Variants in TCF12 observed in about 807,000 individuals in gnomAD.
TCF12 encodes DNA-binding protein HTF4.
A neutral mutation model predicts 86.0 loss-of-function variants in TCF12; 45 were observed. The observed-to-expected ratio is 0.52, with a 90% CI of 0.41 to 0.67. The LOEUF (loss-of-function observed/expected upper bound fraction) is 0.67. Among genes scored for constraint, TCF12 ranks in the 30% least tolerant of loss-of-function variants. The pLI, the probability that TCF12 is intolerant of heterozygous loss-of-function variation, is 0.00. For missense variants in TCF12, 881 were observed against 859.9 expected, an observed-to-expected ratio of 1.02 and a Z score of -0.31; for synonymous variants, 330 against 299.6, an observed-to-expected ratio of 1.10 and a Z score of -1.05.
At chr15:57,177,460 G>A (rs2056006380) in intron 6 of TCF12, among the ~76,000 whole-genome samples, 1 of 151,706 alleles carries the variant, frequency 6.6e-6, no homozygotes, top group African/African-American at 2.4e-5. Flanking sequence ...CGGTAGAGAG[G>A]GGGTTTCACC....
At chr15:56,937,418 G>A (rs555922417) in intron 3 of TCF12, among the ~76,000 whole-genome samples, 8 of 151,612 alleles carry the variant, frequency 5.3e-5, no homozygotes, top group South Asian at 4.2e-4. Context: ...GTGTAGTGGC[G>A]TGATCTTGGC....
chr15:56,944,900 T>C (rs1473456836), intron 3 of TCF12, among the ~76,000 whole-genome samples: 3 of 152,204 alleles, frequency 2.0e-5, no homozygotes, highest in African/African-American at 7.2e-5. Context: ...AATTACCTTG[T>C]CGATTTCTAT....
intron 13 of TCF12, among the ~76,000 whole-genome samples, chr15:57,248,707 G>C (rs1194924141): frequency 6.6e-6 from 1 of 152,238 alleles, no homozygotes; most frequent in African/African-American, 2.4e-5. Flanking sequence ...ACTGGAACGG[G>C]CCAGTCTGTA....
intron 14 of TCF12, 164 bp from the exon 15 acceptor site, chr15:57,252,257 T>C (rs186690488): frequency 7.3e-6 from 4 of 545,892 alleles, no homozygotes; most frequent in African/African-American, 5.7e-5. Context: ...GTAACTTCCC[T>C]GTTGAATCCC....
intron 3 of TCF12, 115 bp from the exon 4 acceptor site, chr15:57,063,635 A>T (rs908497986): frequency 1.5e-6 from 1 of 665,490 alleles, no homozygotes; most frequent in Non-Finnish European, 2.5e-6. Context: ...ATTGATACTT[A>T]GCTCTTCCAC....
chr15:56,985,263 T>C (rs549355934), intron 3 of TCF12, among the ~76,000 whole-genome samples: 1 of 152,304 alleles, frequency 6.6e-6, no homozygotes, highest in East Asian at 1.9e-4. Context: ...AGAAAACTCT[T>C]AGGAAGTGAG....
At chr15:57,075,788 T>TC (rs1567370136) in intron 4 of TCF12, among the ~76,000 whole-genome samples, 2 of 41,866 alleles carry the variant, frequency 4.8e-5, no homozygotes, top group African/African-American at 1.9e-4. Context: ...CTTTCTTTCT[T>TC]TCTTTCTTTC....
At chr15:57,256,959 A>G (rs1421775907) in intron 16 of TCF12, among the ~76,000 whole-genome samples, 1 of 152,232 alleles carries the variant, frequency 6.6e-6, no homozygotes, top group Non-Finnish European at 1.5e-5. Flanking sequence ...AGGGTTTGAT[A>G]TGCTTTTTCT....
Position 57,120,413 on chromosome 15 carries a change from A to G in TCF12, c.325+28522A>G, listed in dbSNP as rs182437111. Reference sequence around the variant, plus strand: ...TTCCCTTGGCCCTATCCAATATCTGATATATATCAAGTGCTCAATAATTGT... The same window carrying G: ...TTCCCTTGGCCCTATCCAATATCTGGTATATATCAAGTGCTCAATAATTGT... On this transcript the variant is annotated intron_variant, in intron 5 of 20. Transcript: ENST00000333725. Among the ~76,000 whole-genome samples the G allele has an allele frequency of 3.3e-5, 5 of 152,248 alleles. No individual in the cohort carries two copies. In the East Asian group the frequency reaches 9.6e-4, roughly 29 times the overall value.
chr15:57,090,106 C>T (rs1485240445), intron 4 of TCF12, among the ~76,000 whole-genome samples: 1 of 152,070 alleles, frequency 6.6e-6, no homozygotes, highest in Non-Finnish European at 1.5e-5. Context: ...GTTCCAGCTA[C>T]TCCTGGGAGC....
chr15:57,171,458 G>A (rs2055494850), intron 6 of TCF12, among the ~76,000 whole-genome samples: 1 of 151,966 alleles, frequency 6.6e-6, no homozygotes, highest in Admixed American at 6.6e-5. Flanking sequence ...AAAAATCCAA[G>A]GAAATATAAA....
intron 20 of TCF12, among the ~76,000 whole-genome samples, chr15:57,282,910 A>G (rs1277178060): frequency 1.3e-5 from 2 of 152,242 alleles, no homozygotes; most frequent in African/African-American, 4.8e-5. Context: ...CAATGACTCA[A>G]CCGTCAGAAA....
At chr15:57,203,585 G>A (rs566826289) in intron 8 of TCF12, among the ~76,000 whole-genome samples, 6 of 152,118 alleles carry the variant, frequency 3.9e-5, no homozygotes, top group Admixed American at 2.0e-4. Context: ...TCAAAATGAC[G>A]TGTCTTACAA....
intron 5 of TCF12, among the ~76,000 whole-genome samples, chr15:57,127,235 G>A (rs1233941987): frequency 1.3e-5 from 2 of 151,918 alleles, no homozygotes; most frequent in African/African-American, 2.4e-5. Context: ...CATTCATCTT[G>A]GCCTCCCAAA....
At chr15:56,929,218 G>A (rs531828355) in intron 3 of TCF12, among the ~76,000 whole-genome samples, 1 of 152,218 alleles carries the variant, frequency 6.6e-6, no homozygotes, top group East Asian at 1.9e-4. Context: ...TTAATGAGAA[G>A]CCCAACTCTA....
chr15:57,262,174 A>C lies in TCF12; in HGVS notation c.1548A>C (p.Thr516=), dbSNP rs1482774405. ...CTAGTACAGTCACTACTTCAAGCAC[A>C]GACCTGAACCATAAAACACAAGAAA... ...VLSSTVTTSS[T]DLNHKTQENY... is the part of the protein sequence containing the mutation. The change falls in exon 17 of 21, where the codon ACA becomes ACC. Residue 516 remains threonine (T), a synonymous_variant. Coordinates refer to ENST00000333725, the MANE Select transcript of TCF12 (RefSeq NM_207037.2). The C allele has an allele frequency of 6.2e-7, 1 of 1,613,356 alleles. No individual in the cohort carries two copies. The highest frequency in any genetic ancestry group is 1.7e-5 in the Admixed American group (1 of 59,966).
intron 8 of TCF12, among the ~76,000 whole-genome samples, chr15:57,218,555 G>A (rs1343095346): frequency 6.6e-6 from 1 of 152,076 alleles, no homozygotes; most frequent in Non-Finnish European, 1.5e-5. Flanking sequence ...ATAAAAATAT[G>A]AATATACAAA....
At chr15:57,044,364 T>A (rs573305616) in intron 3 of TCF12, among the ~76,000 whole-genome samples, 112 of 152,158 alleles carry the variant, frequency 7.4e-4, no homozygotes, top group Middle Eastern at 3.4e-3. Context: ...GAGTTTGAGA[T>A]AAGACTGGCC....
At chr15:57,213,162 G>T (rs2058186420) in intron 8 of TCF12, among the ~76,000 whole-genome samples, 1 of 152,176 alleles carries the variant, frequency 6.6e-6, no homozygotes. Flanking sequence ...GAAAATGTAT[G>T]ACTGACACCA....
Sources: allele counts gnomAD v4.1 joint callset (sites outside exome capture counted in the v4.1 genomes callset), GRCh38; gene constraint gnomAD v4.1.1; transcripts MANE v1.5; gene names NCBI Gene and HGNC (gene_info 2026-07-23, HGNC 2026-07-21).